Variants in PCCA observed in about 807,000 individuals in gnomAD.
PCCA encodes propionyl-CoA carboxylase alpha chain, mitochondrial.
Under a neutral mutation model 101.3 loss-of-function variants are expected in PCCA, and 74 were observed. The ratio of observed to expected loss-of-function variants is 0.73; its 90% CI spans 0.61 to 0.89. PCCA has a LOEUF of 0.89. PCCA is among the 40% of genes least tolerant of loss of function. The pLI is 0.00. For missense variants in PCCA, 891 were observed against 907.0 expected, an observed-to-expected ratio of 0.98 and a Z score of 0.23; for synonymous variants, 294 against 313.6, an observed-to-expected ratio of 0.94 and a Z score of 0.66.
At chr13:100,385,576 A>G (rs2076454623) in intron 19 of PCCA, among the ~76,000 whole-genome samples, 1 of 152,212 alleles carries the variant, frequency 6.6e-6, no homozygotes, top group African/African-American at 2.4e-5. Context: ...TTCCATGCAC[A>G]TTTTGGCAAA....
At chr13:100,453,637 G>A (rs2081498758) in intron 21 of PCCA, among the ~76,000 whole-genome samples, 1 of 152,126 alleles carries the variant, frequency 6.6e-6, no homozygotes, top group Non-Finnish European at 1.5e-5. Flanking sequence ...TGGCTGGTGT[G>A]TAGAGCACTA....
At chr13:100,296,939 T>A (rs2065588192) in intron 12 of PCCA, among the ~76,000 whole-genome samples, 1 of 152,250 alleles carries the variant, frequency 6.6e-6, no homozygotes, top group Non-Finnish European at 1.5e-5. Flanking sequence ...TTAGTTGTTG[T>A]ATCTCTTTAT....
At chr13:100,466,315 T>G (rs1424021032) in intron 21 of PCCA, 1 of 152,234 alleles carries the variant, frequency 6.6e-6, no homozygotes, top group Non-Finnish European at 1.5e-5. Context: ...TTTGTGGCGC[T>G]TCCCCCCTTG....
At chr13:100,415,738 T>C (rs2078319839) in intron 19 of PCCA, among the ~76,000 whole-genome samples, 4 of 152,256 alleles carry the variant, frequency 2.6e-5, no homozygotes, top group South Asian at 2.1e-4. Flanking sequence ...GAATGACTTA[T>C]GAGGTGAATC....
intron 19 of PCCA, among the ~76,000 whole-genome samples, chr13:100,378,848 TG>T (rs1207189982): frequency 6.6e-6 from 1 of 152,168 alleles, no homozygotes; most frequent in Non-Finnish European, 1.5e-5. Flanking sequence ...CTGATTTTTT[TG>T]TGTTGTTTTT....
intron 21 of PCCA, among the ~76,000 whole-genome samples, chr13:100,461,280 A>T (rs1304730088): frequency 6.6e-6 from 1 of 152,186 alleles, no homozygotes; most frequent in Non-Finnish European, 1.5e-5. Context: ...TTGTCATCTG[A>T]TATCATAGGA....
intron 19 of PCCA, among the ~76,000 whole-genome samples, chr13:100,377,875 A>G (rs1008684225): frequency 1.4e-5 from 2 of 148,054 alleles, no homozygotes; most frequent in African/African-American, 5.3e-5. Flanking sequence ...TGTTCCTGTC[A>G]TATCATTAAT....
At chr13:100,160,417 C>A (rs1185458805) in intron 6 of PCCA, among the ~76,000 whole-genome samples, 1 of 151,382 alleles carries the variant, frequency 6.6e-6, no homozygotes, top group Non-Finnish European at 1.5e-5. Context: ...GCAGGAGAAT[C>A]GTTTGAGCCC....
chr13:100,111,674 T>C lies in PCCA; in HGVS notation c.184-167T>C, dbSNP rs373234209. ...TTAATATTACCCTAAGTATTTATAG[T>C]ACATTTAATATTACTGTAAGTAATA... is the stretch of plus-strand genomic sequence containing the variant. On this transcript the variant is annotated intron_variant, in intron 2 of 23. Coordinates refer to ENST00000376285, the MANE Select transcript of PCCA (RefSeq NM_000282.4). Among the ~76,000 whole-genome samples the C allele has an allele frequency of 3.9e-5, 6 of 152,324 alleles. No individual in the cohort carries two copies. The East Asian group carries it at 1.2e-3, about 29-fold the overall frequency.
intron 10 of PCCA, among the ~76,000 whole-genome samples, chr13:100,265,577 C>A (rs1362354415): frequency 6.6e-6 from 1 of 152,140 alleles, no homozygotes; most frequent in African/African-American, 2.4e-5. Flanking sequence ...TACGCCTACA[C>A]CCACCCACTC....
chr13:100,112,908 T>C (rs1487167164), intron 4 of PCCA, among the ~76,000 whole-genome samples: 3 of 151,986 alleles, frequency 2.0e-5, no homozygotes, highest in Non-Finnish European at 4.4e-5. Context: ...AGTAATGTTA[T>C]GAATGAGTAG....
At position 100,307,188 on chromosome 13, in the gene PCCA, C is replaced by T. The variant is rs372262089; in HGVS notation, c.1285-4C>T. 72 of 1,605,222 alleles carry T rather than the reference C, an allele frequency of 4.5e-5. No individual in the cohort carries two copies. Among genetic ancestry groups the T allele is most frequent in the Non-Finnish European group, 6.0e-5 (71 of 1,173,808 alleles). Reference sequence around the variant, plus strand: ...ACTTTTCTTTTTTTCTTTTTTTCTCCCAGGTCCGAGTGGACAGTGGCATCC... The same window carrying T: ...ACTTTTCTTTTTTTCTTTTTTTCTCTCAGGTCCGAGTGGACAGTGGCATCC... On this transcript the variant is annotated splice_region_variant and splice_polypyrimidine_tract_variant and intron_variant, in intron 14 of 23. Transcript: ENST00000376285.
intron 8 of PCCA, among the ~76,000 whole-genome samples, chr13:100,244,984 G>C (rs1270725793): frequency 1.3e-5 from 2 of 148,354 alleles, no homozygotes; most frequent in African/African-American, 5.0e-5. Flanking sequence ...TAGAGATGTG[G>C]ATAAATCATA....
chr13:100,226,419 T>C (rs1275696951), intron 7 of PCCA, among the ~76,000 whole-genome samples: 1 of 152,180 alleles, frequency 6.6e-6, no homozygotes, highest in East Asian at 1.9e-4. Context: ...GATTGGTAAG[T>C]AGGCAGTAGC....
chr13:100,335,762 G>T lies in PCCA; in HGVS notation c.1541-4395G>T, dbSNP rs112898766. On this transcript the variant is annotated intron_variant, in intron 17 of 23. Transcript: ENST00000376285. ...TTTGTTCCTCAGTTGGTTCCCAGGG[G>T]ACTGGCAGGCAGACTGGTACTCACA... 2.5e-3 allele frequency among the ~76,000 whole-genome samples: 383 copies of T among 152,234 alleles called. 4 individuals are homozygous for T. The South Asian group carries it at 0.028, about 11-fold the overall frequency.
In PCCA at chr13:100,201,155, C is replaced by T. The variant is rs1484161529; in HGVS notation, c.469-8177C>T. Among the ~76,000 whole-genome samples the T allele has an allele frequency of 2.0e-5, 3 of 152,052 alleles. No homozygotes were observed. In the South Asian group the frequency reaches 6.2e-4, roughly 32 times the overall value. On this transcript the variant is annotated intron_variant, in intron 6 of 23. Transcript: ENST00000376285. ...TATTAAAAAAAAAGTTGTACTATAT[C>T]TATATTGTCAGAAAATGTGGCTGTT...
intron 19 of PCCA, among the ~76,000 whole-genome samples, chr13:100,416,402 G>A (rs1303971429): frequency 2.0e-5 from 3 of 151,386 alleles, no homozygotes; most frequent in Non-Finnish European, 4.4e-5. Context: ...GGCTAGTCTC[G>A]AACTGTTGAC....
rs2059066185 is a variant in PCCA at position 100,209,367 on chromosome 13, A to G, written c.504A>G (p.Thr168=). ...ATGTCGTTTTCATTGGACCTGACAC[A>G]CATGCTATTCAAGCCATGGGCGACA... The part of the protein sequence containing the change: ...AEDVVFIGPD[T]HAIQAMGDKI... The change falls in exon 7 of 24, where the codon ACA becomes ACG. Residue 168 remains threonine (T), a synonymous_variant. Coordinates refer to ENST00000376285, the MANE Select transcript of PCCA (RefSeq NM_000282.4). 1.2e-6 allele frequency: 2 copies of G among 1,613,386 alleles called. No homozygotes were observed. The highest frequency in any genetic ancestry group is 2.2e-5 in the East Asian group (1 of 44,852).
intron 2 of PCCA, among the ~76,000 whole-genome samples, chr13:100,108,416 G>T (rs957683666): frequency 3.9e-5 from 6 of 152,114 alleles, no homozygotes; most frequent in African/African-American, 1.4e-4. Flanking sequence ...ATAGGATCAA[G>T]TCCCAGTTCC....
Sources: allele counts gnomAD v4.1 joint callset (sites outside exome capture counted in the v4.1 genomes callset), GRCh38; gene constraint gnomAD v4.1.1; transcripts MANE v1.5; gene names NCBI Gene and HGNC (gene_info 2026-07-23, HGNC 2026-07-21).